The following DLEU7 variants were observed in gnomAD, a reference collection of about 807,000 sequenced individuals.
The protein encoded by DLEU7 is deleted in lymphocytic leukemia 7, also known as leukemia-associated protein 7.
A neutral mutation model predicts 16.0 loss-of-function variants in DLEU7; 17 were observed. The observed-to-expected ratio is 1.06, with a 90% CI of 0.73 to 1.59. DLEU7 has a LOEUF of 1.59. DLEU7 is among the 40% of genes most tolerant of loss of function. The pLI, the probability that DLEU7 is intolerant of heterozygous loss-of-function variation, is 0.00. For synonymous variants in DLEU7, 113 were observed against 139.8 expected (o/e 0.81, Z 1.35); for missense variants, 308 against 314.9 (o/e 0.98, Z 0.17).
intron 1 of DLEU7, among the ~76,000 whole-genome samples, chr13:50,830,856 C>G (rs1877241307): frequency 6.6e-6 from 1 of 152,136 alleles, no homozygotes; most frequent in African/African-American, 2.4e-5. Context: ...ACAGTTCATT[C>G]CTTCAAGAGC....
intron 1 of DLEU7, among the ~76,000 whole-genome samples, chr13:50,831,398 G>A (rs1877260234): frequency 6.6e-6 from 1 of 152,168 alleles, no homozygotes; most frequent in African/African-American, 2.4e-5. Context: ...AAGATAGATA[G>A]GTGGTATGGA....
In DLEU7 at chr13:50,836,275, G is replaced by A. The variant is rs151279620; in HGVS notation, c.459+6913C>T. Among the ~76,000 whole-genome samples, 1,413 of 152,228 alleles carry A rather than the reference G, an allele frequency of 9.3e-3. 28 individuals are homozygous for A. The highest frequency in any genetic ancestry group is 0.032 in the African/African-American group (1,343 of 41,498). On this transcript the variant is annotated intron_variant, in intron 1 of 1. Transcript: ENST00000504404. Reference sequence around the variant, plus strand: ...GAAGCCTTCATGTCCTCTACAGAGAGCACGAAGGAAAGAGATGGAGATATG... The same window carrying A: ...GAAGCCTTCATGTCCTCTACAGAGAACACGAAGGAAAGAGATGGAGATATG...
intron 1 of DLEU7, among the ~76,000 whole-genome samples, chr13:50,761,693 A>G (rs1874935804): frequency 6.6e-6 from 1 of 152,156 alleles, no homozygotes; most frequent in African/African-American, 2.4e-5. Context: ...CAAATGAATC[A>G]TGGGCCCCAA....
chr13:50,831,773 G>A (rs914817775), intron 1 of DLEU7, among the ~76,000 whole-genome samples: 1 of 152,172 alleles, frequency 6.6e-6, no homozygotes, highest in African/African-American at 2.4e-5. Flanking sequence ...AGTACGTGAT[G>A]TAGCTAAGTA....
At chr13:50,738,617 C>T (rs1407546752) in intron 1 of DLEU7, among the ~76,000 whole-genome samples, 1 of 152,102 alleles carries the variant, frequency 6.6e-6, no homozygotes, top group Non-Finnish European at 1.5e-5. Context: ...ACTCTTTCCA[C>T]ATTACCCTGC....
intron 1 of DLEU7, among the ~76,000 whole-genome samples, chr13:50,810,998 C>T (rs114961399): frequency 0.017 from 2,598 of 152,122 alleles, 67 homozygotes; most frequent in African/African-American, 0.06. Flanking sequence ...ACACAGACTT[C>T]CTAGGGGTTC....
chr13:50,801,401 G>A (rs146773453), intron 1 of DLEU7, among the ~76,000 whole-genome samples: 32 of 152,178 alleles, frequency 2.1e-4, no homozygotes, highest in South Asian at 1.2e-3. Flanking sequence ...TTCATACTTC[G>A]AAGTGTCATC....
chr13:50,769,536 A>T (rs953096238), intron 1 of DLEU7, among the ~76,000 whole-genome samples: 4 of 152,184 alleles, frequency 2.6e-5, no homozygotes, highest in Admixed American at 6.5e-5. Flanking sequence ...ACCATTTATT[A>T]AATAGGGAGT....
chr13:50,825,776 T>C (rs1877062991), intron 1 of DLEU7, among the ~76,000 whole-genome samples: 1 of 152,214 alleles, frequency 6.6e-6, no homozygotes, highest in African/African-American at 2.4e-5. Flanking sequence ...TAGCCCTAGT[T>C]TTACAATGAT....
chr13:50,722,618 T>C (rs1873654054), intron 1 of DLEU7, among the ~76,000 whole-genome samples: 2 of 152,220 alleles, frequency 1.3e-5, no homozygotes, highest in South Asian at 4.1e-4. Context: ...TACAATGTTA[T>C]CTATTTAAAG....
At position 50,809,665 on chromosome 13, in the gene DLEU7, T is replaced by C. The variant is rs906586256; in HGVS notation, c.459+33523A>G. On this transcript the variant is annotated intron_variant, in intron 1 of 1. Transcript: ENST00000400393. ...TTTAGATGAAGGCTGTAACCCAAGA[T>C]GGAAACACTTAACCAGGCCAAAAAC... Among the ~76,000 whole-genome samples the C allele has an allele frequency of 7.2e-5, 11 of 152,254 alleles. No individual in the cohort carries two copies. The East Asian group carries it at 1.9e-3, about 27-fold the overall frequency.
Position 50,843,617 on chromosome 13 carries a change from G to A in DLEU7, c.30C>T (p.Ser10=), listed in dbSNP as rs1877766455. Residue 10 remains serine, a synonymous_variant, in exon 1 of 2, where the codon TCC becomes TCT. Coordinates refer to ENST00000504404, the MANE Select transcript of DLEU7 (RefSeq NM_001306135.2). The surrounding 1 kb of genome is among the most constrained non-coding windows in gnomAD (Gnocchi z 5.7). MASPAPLVA[S]ISHQMVALQT... is the part of the protein sequence containing the mutation. ...GCAGAGCCACCATTTGGTGGCTGATGGAGGCCACTAAGGGCGCAGGGCTGG... is the reference window on the plus strand; with the variant it reads ...GCAGAGCCACCATTTGGTGGCTGATAGAGGCCACTAAGGGCGCAGGGCTGG... 2.0e-6 allele frequency: 3 copies of A among 1,511,186 alleles called. No homozygotes were observed. Among genetic ancestry groups the A allele is most frequent in the Admixed American group, 2.1e-5 (1 of 47,982 alleles). The allele number at this position is 1,511,186 out of a possible 1,614,324, so 93.6% of individuals were successfully genotyped here.
intron 1 of DLEU7, among the ~76,000 whole-genome samples, chr13:50,751,554 G>A (rs1161298519): frequency 2.6e-5 from 4 of 152,108 alleles, no homozygotes; most frequent in Non-Finnish European, 5.9e-5. Context: ...CTATGAATCC[G>A]CCTGGTCCTG....
chr13:50,810,427 T>C (rs1469879080), intron 1 of DLEU7, among the ~76,000 whole-genome samples: 1 of 152,182 alleles, frequency 6.6e-6, no homozygotes, highest in Non-Finnish European at 1.5e-5. Context: ...TACCATCTAT[T>C]ATTACCTTTG....
At chr13:50,767,405 G>A (rs1281318993) in intron 1 of DLEU7, among the ~76,000 whole-genome samples, 10 of 144,904 alleles carry the variant, frequency 6.9e-5, no homozygotes, top group African/African-American at 1.5e-4. Flanking sequence ...GCAGTGAGCC[G>A]AGATCGCGCC....
At chr13:50,752,343 G>A (rs1220534168) in intron 1 of DLEU7, among the ~76,000 whole-genome samples, 1 of 152,062 alleles carries the variant, frequency 6.6e-6, no homozygotes, top group Non-Finnish European at 1.5e-5. Context: ...GAGCCACCGT[G>A]CCAGGCCTTT....
rs1358891584 is a variant in DLEU7 at position 50,843,142 on chromosome 13, G to C, written c.459+46C>G. On this transcript the variant is annotated intron_variant, in intron 1 of 1. Transcript: ENST00000504404. The surrounding 1 kb of genome is among the most constrained non-coding windows in gnomAD (Gnocchi z 5.7). ...CCAGCAGCCCCACCCTTGGAGGATG[G>C]GAGGTTACCCTGCACGCCAGAGGGG... 15 of 1,541,872 alleles carry C rather than the reference G, an allele frequency of 9.7e-6. No homozygotes were observed. The highest frequency in any genetic ancestry group is 1.3e-5 in the Non-Finnish European group (15 of 1,143,328).
At position 50,811,401 on chromosome 13, in the gene DLEU7, T is replaced by G. The variant is rs529820572; in HGVS notation, c.459+31787A>C. 2.6e-5 allele frequency among the ~76,000 whole-genome samples: 4 copies of G among 151,026 alleles called. 1 individual carries two copies. Among genetic ancestry groups the G allele is most frequent in the Admixed American group, 2.6e-4 (4 of 15,234 alleles). On this transcript the variant is annotated intron_variant, in intron 1 of 1. Transcript: ENST00000400393. ...CCTCAGGCCTCCAGCAATCCATGGC[T>G]TTACTGAGAGCTTTCTCCTCTATAT...
At chr13:50,815,903 T>A (rs116718399) in intron 1 of DLEU7, among the ~76,000 whole-genome samples, 1,928 of 144,622 alleles carry the variant, frequency 0.013, 38 homozygotes, top group African/African-American at 0.046. Context: ...AAAATTTGCT[T>A]CAAGAACAGG....
Sources: gnomAD v4.1 joint callset for allele counts (sites outside exome capture counted in the v4.1 genomes callset) on GRCh38, gnomAD v4.1.1 for gene constraint, Gnocchi (gnomAD v3.1) non-coding constraint, MANE v1.5 for transcripts, NCBI Gene and HGNC (gene_info 2026-07-23, HGNC 2026-07-21) for gene names.